GEMIN4: variants seen among roughly 807,000 people sequenced by gnomAD.
GEMIN4 encodes the protein gem-associated protein 4.
GEMIN4 carries 59 observed loss-of-function variants against 76.8 expected under a neutral mutation model. The ratio of observed to expected loss-of-function variants is 0.77; its 90% CI spans 0.62 to 0.95. GEMIN4 has a LOEUF of 0.95. Among genes scored for constraint, GEMIN4 ranks in the 40% least tolerant of loss-of-function variants. The probability of loss-of-function intolerance (pLI) is 0.00; values close to 1 mark genes in which losing one functional copy is unlikely to be tolerated. For synonymous variants in GEMIN4, 562 were observed against 559.7 expected, an observed-to-expected ratio of 1.00 and a Z score of -0.06; for missense variants, 1,311 against 1,318.9, an observed-to-expected ratio of 0.99 and a Z score of 0.09.
Position 747,507 on chromosome 17 carries a change from A to G in GEMIN4, c.536T>C (p.Leu179Pro). Residue 179 changes from leucine (L) to proline (P), a missense_variant, in exon 2 of 2, where the codon CTC (leucine) becomes CCC (proline). Leu to Pro is a moderately conservative substitution (Grantham distance 98, BLOSUM62 -3). This residue lies in a region of GEMIN4 where 1,208 missense variants were observed against 1,166.9 expected (regional missense o/e 1.04). Transcript: ENST00000319004. The stretch of plus-strand genomic sequence containing the variant: ...ATGGGCCATTGCACTAAACTGGGAG[A>G]GCAGGGGGTCCTGCGGGTGACCCTT... Reference protein sequence around the residue: ...KHKGHPQDPLLSQFSAMAHKY... With the variant: ...KHKGHPQDPLPSQFSAMAHKY... 1 of 1,613,732 alleles carries G rather than the reference A, an allele frequency of 6.2e-7. No individual in the cohort carries two copies. Among genetic ancestry groups the G allele is most frequent in the Non-Finnish European group, 8.5e-7 (1 of 1,179,858 alleles).
chr17:750,067 T>G (rs1318422413), intron 1 of GEMIN4: 1 of 874,396 alleles, frequency 1.1e-6, no homozygotes, highest in Non-Finnish European at 1.4e-6. Context: ...AAAAATGATG[T>G]GATTCTGGCC....
chr17:750,291 G>A (rs1182182693), intron 1 of GEMIN4, among the ~76,000 whole-genome samples: 1 of 152,108 alleles, frequency 6.6e-6, no homozygotes, highest in Non-Finnish European at 1.5e-5. Flanking sequence ...TATGCCTTTG[G>A]GGATCATGTG....
Position 746,044 on chromosome 17 carries a change from C to T in GEMIN4, c.1999G>A (p.Val667Ile). 6 of 1,613,878 alleles carry T rather than the reference C, an allele frequency of 3.7e-6. No individual in the cohort carries two copies. Among genetic ancestry groups the T allele is most frequent in the Non-Finnish European group, 4.2e-6 (5 of 1,179,860 alleles). The stretch of plus-strand genomic sequence containing the variant: ...ATGAAGATCCTCAGACTGAGGTCTA[C>T]CTCTTCAACATCTAACCTCAAGAAA... ...LPFLRLDVEEVDLSLRIFIQT... is the reference protein window; with the variant it reads ...LPFLRLDVEEIDLSLRIFIQT... The change falls in exon 2 of 2, where the codon GTA becomes ATA. Residue 667 changes from valine to isoleucine, a missense_variant. Val to Ile is a conservative substitution (Grantham distance 29). Transcript: ENST00000319004. The surrounding 1 kb of genome is among the most constrained non-coding windows in gnomAD (Gnocchi z 4.3).
Position 752,127 on chromosome 17 carries a change from ACC to A in GEMIN4, c.10+4_10+5del. 8.1e-7 allele frequency: 1 copy of A among 1,237,868 alleles called. No individual in the cohort carries two copies. Among genetic ancestry groups the A allele is most frequent in the South Asian group, 4.0e-5 (1 of 24,886 alleles). 76.7% of individuals were successfully genotyped at this position (1,237,868 alleles called of 1,614,324 possible). A position where few individuals can be genotyped will look rare whatever the true frequency, so the allele number is the denominator to read the frequency against. The stretch of plus-strand genomic sequence containing the variant: ...CAGCCCGGGGCCGGGGAGCCGCGGC[ACC>A]CACCTAGGTCCATGGCGGCGACGCC... On this transcript the variant is annotated splice_donor_5th_base_variant and intron_variant, in intron 1 of 1. Transcript: ENST00000319004.
upstream of GEMIN4, chr17:752,379 G>T: frequency 2.1e-6 from 2 of 958,958 alleles, no homozygotes; most frequent in Non-Finnish European, 2.7e-6. Flanking sequence ...CCAGCCCTCA[G>T]GTACCCGGAC....
Position 746,556 on chromosome 17 carries a change from T to A in GEMIN4, c.1487A>T (p.Asn496Ile), listed in dbSNP as rs1189341499. The A allele has an allele frequency of 1.2e-6, 2 of 1,613,806 alleles. No individual in the cohort carries two copies. Among genetic ancestry groups the A allele is most frequent in the Admixed American group, 3.3e-5 (2 of 59,994 alleles). Reference sequence around the variant, plus strand: ...ACGCAGGATACCTGCAAGGACTTTATTTTTACCTGGCAGGGAGAGGTCTGC... The same window carrying A: ...ACGCAGGATACCTGCAAGGACTTTAATTTTACCTGGCAGGGAGAGGTCTGC... Reference protein sequence around the residue: ...CYADLSLPGKNKVLAGILRSW... With the variant: ...CYADLSLPGKIKVLAGILRSW... Residue 496 changes from asparagine to isoleucine, a missense_variant, in exon 2 of 2, where the codon AAT (asparagine) becomes ATT (isoleucine). Asn to Ile is a moderately radical substitution (Grantham distance 149). Transcript: ENST00000319004. This position sits in a 1 kb window ranked among gnomAD's most constrained non-coding sequence, Gnocchi z 4.3.
Position 746,292 on chromosome 17 carries a change from G to T in GEMIN4, c.1751C>A (p.Ala584Asp). The T allele has an allele frequency of 6.2e-7, 1 of 1,613,782 alleles. No individual in the cohort carries two copies. Among genetic ancestry groups the T allele is most frequent in the Non-Finnish European group, 8.5e-7 (1 of 1,179,896 alleles). The change falls in exon 2 of 2, where the codon GCC (alanine) becomes GAC (aspartate). Residue 584 changes from alanine (A) to aspartate (D), a missense_variant. Ala to Asp is a moderately radical substitution (Grantham distance 126). This residue lies in a region of GEMIN4 where 1,208 missense variants were observed against 1,166.9 expected (regional missense o/e 1.04). Coordinates refer to ENST00000319004, the MANE Select transcript of GEMIN4 (RefSeq NM_015721.3). This position sits in a 1 kb window ranked among gnomAD's most constrained non-coding sequence, Gnocchi z 4.3. The stretch of plus-strand genomic sequence containing the variant: ...TTCCACAAACCTAAGGGCAGGGAAG[G>T]CAGTGAGAATCTGGGCCAGGAACTT... Reference protein sequence around the residue: ...THKFLAQILTAFPALRFVEEQ... With the variant: ...THKFLAQILTDFPALRFVEEQ...
rs780536890 is a variant in GEMIN4 at position 744,696 on chromosome 17, T to C, written c.*170A>G. The C allele has an allele frequency of 6.7e-4, 421 of 625,522 alleles. 2 individuals are homozygous for C. The highest frequency in any genetic ancestry group is 1.4e-4 in the Non-Finnish European group (51 of 372,594). 38.7% of individuals were successfully genotyped at this position (625,522 alleles called of 1,614,324 possible). A position where few individuals can be genotyped will look rare whatever the true frequency, so the allele number is the denominator to read the frequency against. On this transcript the variant is annotated 3_prime_UTR_variant, in exon 2 of 2. Coordinates refer to ENST00000319004, the MANE Select transcript of GEMIN4 (RefSeq NM_015721.3). ...AGAAACTATTTTCTTTACACCATTA[T>C]TGCCATGACTTTTTGTGGACAGTTT...
chr17:753,459 G>C (rs1904859747), upstream of GEMIN4: 1 of 163,276 alleles, frequency 6.1e-6, no homozygotes, highest in Non-Finnish European at 1.4e-5. Flanking sequence ...CGCCATGAGG[G>C]GCTACGCGGC....
At chr17:752,506 TG>T (rs368842575), upstream of GEMIN4, 9 of 435,240 alleles carry the variant, frequency 2.1e-5, no homozygotes, top group African/African-American at 1.8e-4. Flanking sequence ...ACCCCGGGCG[TG>T]CCCCGCACAC....
intron 1 of GEMIN4, chr17:748,852 A>T (rs552597467): frequency 5.0e-6 from 1 of 200,642 alleles, no homozygotes; most frequent in East Asian, 1.8e-4. Context: ...TCACACAGCC[A>T]CAGGGTAATG....
Position 747,328 on chromosome 17 carries a change from C to T in GEMIN4, c.715G>A (p.Ala239Thr). 1 of 1,613,768 alleles carries T rather than the reference C, an allele frequency of 6.2e-7. No individual in the cohort carries two copies. Among genetic ancestry groups the T allele is most frequent in the Non-Finnish European group, 8.5e-7 (1 of 1,179,886 alleles). ...AGCATGTCAGCCAGGTTGGCCAGCG[C>T]ACAGCACTTCCTCCCCGGGCCCAGG... is the stretch of plus-strand genomic sequence containing the variant. ...RILGPGRKCC[A>T]LANLADMLTV... The change falls in exon 2 of 2, where the codon GCG becomes ACG. Residue 239 changes from alanine (A) to threonine (T), a missense_variant. Physicochemically the swap from Ala to Thr is moderately conservative, Grantham distance 58. Around this residue, in one of 2 missense-constraint regions of GEMIN4, gnomAD observed 1,208 missense variants for 1,166.9 expected, o/e 1.04. Transcript: ENST00000319004.
chr17:749,905 T>C, intron 1 of GEMIN4: 1 of 987,984 alleles, frequency 1.0e-6, no homozygotes, highest in Non-Finnish European at 1.2e-6. Context: ...CTCATGGCCC[T>C]AGCTCTGTGG....
Position 746,447 on chromosome 17 carries a change from C to G in GEMIN4, c.1596G>C (p.Gln532His), listed in dbSNP as rs755795720. 7.2e-5 allele frequency: 117 copies of G among 1,613,892 alleles called. 1 individual carries two copies. In the South Asian group the frequency reaches 1.1e-3, roughly 15 times the overall value. ...CCTGTTCGGAGGCACTCTGAGTGAGCTGGTTAAAAGTTGTATTGAGGTCTT... is the reference window on the plus strand; with the variant it reads ...CCTGTTCGGAGGCACTCTGAGTGAGGTGGTTAAAAGTTGTATTGAGGTCTT... ...FQEDLNTTFN[Q>H]LTQSASEQGL... Residue 532 changes from glutamine (Q) to histidine (H), a missense_variant, in exon 2 of 2, where the codon CAG becomes CAC. Physicochemically the swap from Gln to His is conservative, Grantham distance 24. Around this residue, in one of 2 missense-constraint regions of GEMIN4, gnomAD observed 1,208 missense variants for 1,166.9 expected, o/e 1.04. Coordinates refer to ENST00000319004, the MANE Select transcript of GEMIN4 (RefSeq NM_015721.3). This position sits in a 1 kb window ranked among gnomAD's most constrained non-coding sequence, Gnocchi z 4.3.
Position 746,923 on chromosome 17 carries a change from G to A in GEMIN4, c.1120C>T (p.Gln374Ter), listed in dbSNP as rs1342821242. Reference sequence around the variant, plus strand: ...CACTCCGCCAGCTCAGAGACCACCTGCCTGTCCTCCTTGGACAGGCTGGTG... The same window carrying A: ...CACTCCGCCAGCTCAGAGACCACCTACCTGTCCTCCTTGGACAGGCTGGTG... Reference protein sequence around the residue: ...NRTSLSKEDRQVVSELAECVR... With the variant: ...NRTSLSKEDR The change falls in exon 2 of 2, where the codon CAG (glutamine) becomes TAG (stop). Residue 374 changes from glutamine to a stop codon, truncating the protein, a stop_gained. Coordinates refer to ENST00000319004, the MANE Select transcript of GEMIN4 (RefSeq NM_015721.3). LOFTEE classifies it high-confidence loss of function. This position sits in a 1 kb window ranked among gnomAD's most constrained non-coding sequence, Gnocchi z 4.3. The A allele has an allele frequency of 6.2e-7, 1 of 1,613,738 alleles. No individual in the cohort carries two copies. The highest frequency in any genetic ancestry group is 1.7e-5 in the Admixed American group (1 of 60,020).
rs147175764 is a variant in GEMIN4 at position 748,709 on chromosome 17, C to A, written c.11-677G>T. The A allele has an allele frequency of 1.5e-3, 344 of 223,492 alleles. 1 individual carries two copies. The highest frequency in any genetic ancestry group is 8.1e-3 in the African/African-American group (332 of 41,184). The allele number at this position is 223,492 out of a possible 1,614,324, so 13.8% of individuals were successfully genotyped here. On this transcript the variant is annotated intron_variant, in intron 1 of 1. Coordinates refer to ENST00000319004, the MANE Select transcript of GEMIN4 (RefSeq NM_015721.3). ...ACAGGGTAACAGGCACAGCAGCAAT[C>A]ACACGGCCACAGGATAATGGGCACA...
At chr17:748,100 G>C (rs1904374155) in intron 1 of GEMIN4, 68 bp from the exon 2 acceptor site, 17 of 1,233,010 alleles carry the variant, frequency 1.4e-5, no homozygotes, top group Non-Finnish European at 1.8e-5. Context: ...GCTGTTAGTA[G>C]GCTGTCATGG....
chr17:748,052 A>G lies in GEMIN4; in HGVS notation c.11-20T>C, dbSNP rs974978036. The G allele has an allele frequency of 5.8e-6, 9 of 1,553,510 alleles. No individual in the cohort carries two copies. In the Admixed American group the frequency reaches 7.7e-5, roughly 13 times the overall value. ...AGGGTCCTGCACACAGACAAGCCAA[A>G]TAAGACAGTATAGTGAAAATGTTTC... On this transcript the variant is annotated intron_variant, in intron 1 of 1. Coordinates refer to ENST00000319004, the MANE Select transcript of GEMIN4 (RefSeq NM_015721.3).
At chr17:748,091 C>T in intron 1 of GEMIN4, 59 bp from the exon 2 acceptor site, 9 of 1,296,330 alleles carry the variant, frequency 6.9e-6, no homozygotes, top group Non-Finnish European at 9.5e-6. Flanking sequence ...ATGGCCACTG[C>T]TGTTAGTAGG....
Sources: allele counts gnomAD v4.1 joint callset (sites outside exome capture counted in the v4.1 genomes callset), GRCh38; gene constraint gnomAD v4.1.1; regional missense constraint gnomAD v4.1.1; non-coding constraint Gnocchi (gnomAD v3.1); transcripts MANE v1.5; gene names NCBI Gene and HGNC (gene_info 2026-07-23, HGNC 2026-07-21).